Variants in DRC8 observed in about 807,000 individuals in gnomAD.
DRC8 encodes the protein dynein regulatory complex subunit 8, also known as dynein regulatory complex protein 8.
At chr1:245,009,993 C>T in the DRC8 span, among the ~76,000 whole-genome samples, 1 of 151,884 alleles carries the variant, frequency 6.6e-6, no homozygotes, top group Non-Finnish European at 1.5e-5. Flanking sequence ...CCTAAGTAGC[C>T]GGGACTACAG....
chr1:244,986,060 A>G, the DRC8 span, among the ~76,000 whole-genome samples: 1 of 151,262 alleles, frequency 6.6e-6, no homozygotes, highest in Non-Finnish European at 1.5e-5. Flanking sequence ...GGTTCAAGTG[A>G]TTCTTATGCC....
chr1:244,985,650 G>A, the DRC8 span, among the ~76,000 whole-genome samples: 2 of 151,902 alleles, frequency 1.3e-5, no homozygotes, highest in African/African-American at 4.8e-5. Context: ...GATCACTCGA[G>A]GCCAGGAGTT....
the DRC8 span, among the ~76,000 whole-genome samples, chr1:245,025,936 G>A: frequency 2.6e-5 from 4 of 152,148 alleles, no homozygotes; most frequent in East Asian, 3.9e-4. Flanking sequence ...CCCCAGCCAT[G>A]TGGAACTGTG....
At chr1:245,114,159 T>C in the DRC8 span, among the ~76,000 whole-genome samples, 1 of 152,022 alleles carries the variant, frequency 6.6e-6, no homozygotes. Context: ...GTTGGGATTC[T>C]TTTTTTTAAA....
the DRC8 span, among the ~76,000 whole-genome samples, chr1:245,084,059 T>TCCCCCCCC: frequency 3.2e-5 from 1 of 31,102 alleles, no homozygotes; most frequent in Non-Finnish European, 7.6e-5. Flanking sequence ...ATATAAAAAT[T>TCCCCCCCC]CCGCCCCCCC....
At chr1:245,036,913 G>A in the DRC8 span, among the ~76,000 whole-genome samples, 1 of 152,104 alleles carries the variant, frequency 6.6e-6, no homozygotes, top group Non-Finnish European at 1.5e-5. Flanking sequence ...TGGTGGTGAT[G>A]GTAGCTCAAC....
chr1:245,121,471 CA>C, the DRC8 span, among the ~76,000 whole-genome samples: 1 of 152,212 alleles, frequency 6.6e-6, no homozygotes, highest in Middle Eastern at 3.2e-3. Context: ...CTCAAGATGG[CA>C]GAGACAGCCC....
chr1:245,008,931 C>A, the DRC8 span, among the ~76,000 whole-genome samples: 1 of 151,858 alleles, frequency 6.6e-6, no homozygotes, highest in Non-Finnish European at 1.5e-5. Flanking sequence ...CAAGCAGTGC[C>A]CCCAGCCTGG....
chr1:244,971,583 A>C, the DRC8 span, among the ~76,000 whole-genome samples: 1 of 152,258 alleles, frequency 6.6e-6, no homozygotes, highest in African/African-American at 2.4e-5. Context: ...CAGTAAAGGT[A>C]AACAAGTAGG....
At chr1:245,032,776 T>C in the DRC8 span, among the ~76,000 whole-genome samples, 1 of 152,174 alleles carries the variant, frequency 6.6e-6, no homozygotes, top group Non-Finnish European at 1.5e-5. Flanking sequence ...TGATCTTGTC[T>C]GTTGCTCTAG....
chr1:244,995,958 T>C, the DRC8 span, among the ~76,000 whole-genome samples: 3 of 152,326 alleles, frequency 2.0e-5, no homozygotes, highest in African/African-American at 7.2e-5. Context: ...GTACCATACC[T>C]CTAGATGTTA....
chr1:245,073,036 T>A, the DRC8 span, among the ~76,000 whole-genome samples: 15 of 152,212 alleles, frequency 9.9e-5, no homozygotes, highest in Non-Finnish European at 1.3e-4. Context: ...GTCTCAAGTG[T>A]TTATAGCAAT....
At chr1:245,114,979 C>G in the DRC8 span, among the ~76,000 whole-genome samples, 107 of 152,352 alleles carry the variant, frequency 7.0e-4, no homozygotes, top group African/African-American at 2.4e-3. Flanking sequence ...CCGCCTCAGC[C>G]TCCCAAAGTG....
At chr1:245,102,917 A>G in the DRC8 span, among the ~76,000 whole-genome samples, 5,313 of 26,114 alleles carry the variant, frequency 0.2, 14 homozygotes, top group Non-Finnish European at 0.43. Flanking sequence ...GTGGTCCTCT[A>G]TGGTCAGGAG....
the DRC8 span, chr1:245,002,279 A>T: frequency 6.7e-7 from 1 of 1,488,394 alleles, no homozygotes; most frequent in Middle Eastern, 1.7e-4. Flanking sequence ...CAATCGCTTA[A>T]CCATCTCTCT....
At chr1:245,094,554 G>A in the DRC8 span, among the ~76,000 whole-genome samples, 7 of 152,198 alleles carry the variant, frequency 4.6e-5, no homozygotes, top group African/African-American at 1.7e-4. Context: ...CTGCTGTATG[G>A]ACCCCAGGAA....
At chr1:245,110,466 A>G in the DRC8 span, among the ~76,000 whole-genome samples, 1 of 152,244 alleles carries the variant, frequency 6.6e-6, no homozygotes, top group Admixed American at 6.5e-5. Flanking sequence ...CATGCACACA[A>G]ATACTGAAGA....
chr1:245,037,291 G>A, the DRC8 span, among the ~76,000 whole-genome samples: 2 of 152,264 alleles, frequency 1.3e-5, no homozygotes, highest in South Asian at 2.1e-4. Flanking sequence ...GCACACATAA[G>A]CAAATGGAGT....
At chr1:245,090,143 G>A in the DRC8 span, among the ~76,000 whole-genome samples, 9 of 152,296 alleles carry the variant, frequency 5.9e-5, no homozygotes, top group Admixed American at 2.6e-4. Flanking sequence ...ATCAAAGGCC[G>A]AGGAATCTGG....
Sources: allele counts gnomAD v4.1 joint callset (sites outside exome capture counted in the v4.1 genomes callset), GRCh38; gene constraint gnomAD v4.1.1; transcripts MANE v1.5; gene names NCBI Gene and HGNC (gene_info 2026-07-23, HGNC 2026-07-21).